Variants in BMPR1B observed in about 807,000 individuals in gnomAD.
BMPR1B encodes bone morphogenetic protein receptor type 1B, also known as bone morphogenetic protein receptor type-1B.
BMPR1B carries 12 observed loss-of-function variants against 59.1 expected under a neutral mutation model. The ratio of observed to expected loss-of-function variants is 0.20; its 90% confidence interval spans 0.13 to 0.33. The LOEUF is 0.33. Ranked by LOEUF, BMPR1B falls within the 10% of genes least tolerant of loss-of-function variation. BMPR1B has a pLI of 1.00. For synonymous variants in BMPR1B, 237 were observed against 207.3 expected, an observed-to-expected ratio of 1.14 and a Z score of -1.23; for missense variants, 550 against 610.9, an observed-to-expected ratio of 0.90 and a Z score of 1.05.
intron 3 of BMPR1B, among the ~76,000 whole-genome samples, chr4:95,066,273 G>C (rs1427257649): frequency 1.3e-5 from 2 of 152,170 alleles, no homozygotes; most frequent in East Asian, 3.9e-4. Context: ...GAAATTGCCT[G>C]TACTGACAAG....
chr4:94,827,397 A>G (rs1017929960), intron 1 of BMPR1B, among the ~76,000 whole-genome samples: 4 of 152,198 alleles, frequency 2.6e-5, no homozygotes, highest in Non-Finnish European at 5.9e-5. Flanking sequence ...AAATATATGT[A>G]TATAAAGTGT....
At chr4:94,854,115 T>C (rs1725666405) in intron 1 of BMPR1B, among the ~76,000 whole-genome samples, 1 of 115,846 alleles carries the variant, frequency 8.6e-6, no homozygotes, top group African/African-American at 3.9e-5. Context: ...TGAGGACTAC[T>C]GTGAAGCTCT....
intron 2 of BMPR1B, among the ~76,000 whole-genome samples, chr4:94,945,830 A>G (rs541466316): frequency 3.9e-5 from 6 of 152,334 alleles, no homozygotes; most frequent in African/African-American, 1.4e-4. Flanking sequence ...TTATGGATCT[A>G]CCTGCATAGT....
chr4:95,015,512 A>G (rs920810900), intron 3 of BMPR1B, among the ~76,000 whole-genome samples: 13 of 152,082 alleles, frequency 8.5e-5, no homozygotes, highest in African/African-American at 3.1e-4. Flanking sequence ...CAGTCTCCCA[A>G]GTAGCTGTGA....
At chr4:94,810,836 A>T (rs576604156) in intron 1 of BMPR1B, among the ~76,000 whole-genome samples, 1 of 152,262 alleles carries the variant, frequency 6.6e-6, no homozygotes, top group South Asian at 2.1e-4. Flanking sequence ...GTTAGTTAAT[A>T]CTGATTAGAT....
At chr4:94,774,686 A>G (rs1246484465) in intron 1 of BMPR1B, among the ~76,000 whole-genome samples, 2 of 152,024 alleles carry the variant, frequency 1.3e-5, no homozygotes, top group East Asian at 1.9e-4. Context: ...TGCCTGCACT[A>G]TCTTCCATTC....
At chr4:94,878,888 T>C (rs1726847120) in intron 2 of BMPR1B, among the ~76,000 whole-genome samples, 1 of 152,188 alleles carries the variant, frequency 6.6e-6, no homozygotes, top group Non-Finnish European at 1.5e-5. Flanking sequence ...GATGATCAGC[T>C]CTTTGACTCA....
At chr4:94,901,658 A>G (rs916522375) in intron 2 of BMPR1B, among the ~76,000 whole-genome samples, 1 of 151,984 alleles carries the variant, frequency 6.6e-6, no homozygotes, top group Non-Finnish European at 1.5e-5. Flanking sequence ...ATATCCCTTT[A>G]AACCCGTCAA....
At position 95,019,724 on chromosome 4, in the gene BMPR1B, C is replaced by T. The variant is rs1213240837; in HGVS notation, c.-18+23590C>T. On this transcript the variant is annotated intron_variant, in intron 3 of 12. Transcript: ENST00000515059. ...AAATAACACTCAATTTATAAGGACT[C>T]CAGTGTAAACAAACAGGAGCTATGA... Among the ~76,000 whole-genome samples the T allele has an allele frequency of 3.3e-5, 5 of 152,206 alleles. No homozygotes were observed. The East Asian group carries it at 9.7e-4, about 29-fold the overall frequency.
intron 6 of BMPR1B, among the ~76,000 whole-genome samples, chr4:95,119,162 G>T (rs1331017285): frequency 6.6e-6 from 1 of 152,162 alleles, no homozygotes; most frequent in Non-Finnish European, 1.5e-5. Flanking sequence ...TATGTGGATA[G>T]TTCTAGTTTT....
chr4:95,058,487 T>G (rs890701518), intron 3 of BMPR1B, among the ~76,000 whole-genome samples: 3 of 152,166 alleles, frequency 2.0e-5, no homozygotes, highest in Admixed American at 6.5e-5. Flanking sequence ...AAAAAATCAA[T>G]TGTGTCACTT....
intron 1 of BMPR1B, among the ~76,000 whole-genome samples, chr4:94,761,327 G>A (rs1421757477): frequency 6.6e-6 from 1 of 152,008 alleles, no homozygotes; most frequent in African/African-American, 2.4e-5. Flanking sequence ...GCATTGTTCT[G>A]GGTGATAACT....
intron 8 of BMPR1B, among the ~76,000 whole-genome samples, chr4:95,129,419 A>G (rs79203411): frequency 2.4e-4 from 36 of 151,882 alleles, no homozygotes; most frequent in African/African-American, 8.5e-4. Context: ...TCCTCCCTGC[A>G]TATAGATTTC....
At chr4:95,032,163 G>C (rs1196978282) in intron 3 of BMPR1B, among the ~76,000 whole-genome samples, 2 of 151,978 alleles carry the variant, frequency 1.3e-5, no homozygotes, top group African/African-American at 4.8e-5. Context: ...AAGATCAAGG[G>C]GCTTGAAGCT....
At chr4:95,003,453 A>T (rs569069270) in intron 3 of BMPR1B, among the ~76,000 whole-genome samples, 1 of 152,272 alleles carries the variant, frequency 6.6e-6, no homozygotes, top group East Asian at 1.9e-4. Flanking sequence ...AAGCATTGGA[A>T]CATGTTAGGG....
At chr4:94,890,795 T>C (rs1727363296) in intron 2 of BMPR1B, among the ~76,000 whole-genome samples, 1 of 152,024 alleles carries the variant, frequency 6.6e-6, no homozygotes. Flanking sequence ...AATCCCATCA[T>C]GAGGGCCCCA....
intron 3 of BMPR1B, among the ~76,000 whole-genome samples, chr4:95,007,448 T>C (rs986735085): frequency 2.0e-5 from 3 of 152,212 alleles, no homozygotes; most frequent in African/African-American, 7.2e-5. Context: ...ATTTTTAATC[T>C]AGTTAGAAGA....
At chr4:94,807,066 G>A in intron 1 of BMPR1B, among the ~76,000 whole-genome samples, 1 of 152,004 alleles carries the variant, frequency 6.6e-6, no homozygotes, top group East Asian at 1.9e-4. Flanking sequence ...ATAAAAAATT[G>A]GTATAATTTT....
chr4:95,001,366 T>A (rs62316230), intron 3 of BMPR1B, among the ~76,000 whole-genome samples: 145,468 of 152,180 alleles, frequency 0.96, 69,560 homozygotes, highest in Middle Eastern at 0.99. Flanking sequence ...TAAGATGGTA[T>A]TTCTTAATAC....
Sources: allele counts gnomAD v4.1 joint callset (sites outside exome capture counted in the v4.1 genomes callset), GRCh38; gene constraint gnomAD v4.1.1; transcripts MANE v1.5; gene names NCBI Gene and HGNC (gene_info 2026-07-23, HGNC 2026-07-21).